Variants in EVPLL observed in about 807,000 individuals in gnomAD.
EVPLL encodes the protein envoplakin like.
A neutral mutation model predicts 46.2 loss-of-function variants in EVPLL; 39 were observed. That is an observed-to-expected ratio of 0.84 (90% CI 0.65 to 1.10). The LOEUF (loss-of-function observed/expected upper bound fraction) is 1.10, where lower values mean the gene tolerates loss of function less well. EVPLL is among the 50% of genes least tolerant of loss of function. The probability of loss-of-function intolerance (pLI) is 0.00; values close to 1 mark genes in which losing one functional copy is unlikely to be tolerated. For missense variants in EVPLL, 385 were observed against 412.6 expected, an observed-to-expected ratio of 0.93 and a Z score of 0.58; for synonymous variants, 156 against 165.8, an observed-to-expected ratio of 0.94 and a Z score of 0.46.
At chr17:18,382,080 C>T (rs972856728) in intron 4 of EVPLL, 10 of 395,384 alleles carry the variant, frequency 2.5e-5, no homozygotes, top group Admixed American at 1.9e-4. Flanking sequence ...GCATTCTGAT[C>T]CCTGGTTGAG....
chr17:18,383,454 C>A, intron 8 of EVPLL, 38 bp from the exon 9 acceptor site: 1 of 1,474,354 alleles, frequency 6.8e-7, no homozygotes, highest in Non-Finnish European at 9.1e-7. Flanking sequence ...GGTGCGGGGG[C>A]GGGGCGTGGT....
chr17:18,385,321 C>T lies in EVPLL; in HGVS notation c.876+1734C>T, dbSNP rs189111648. ...ATGGCTCCACTGAACGCTGCCCCCTCGGTTCGGGAGGACCAGTGGTGCCCC... is the reference window on the plus strand; with the variant it reads ...ATGGCTCCACTGAACGCTGCCCCCTTGGTTCGGGAGGACCAGTGGTGCCCC... On this transcript the variant is annotated intron_variant, in intron 9 of 10. Coordinates refer to ENST00000399134, the MANE Select transcript of EVPLL (RefSeq NM_001145127.2). Among the ~76,000 whole-genome samples, 5 of 90,806 alleles carry T rather than the reference C, an allele frequency of 5.5e-5. 2 individuals are homozygous for T. The East Asian group carries it at 6.3e-4, about 11-fold the overall frequency. 59.6% of individuals were successfully genotyped at this position (90,806 alleles called of 152,430 possible).
rs758846170 is a variant in EVPLL, at chr17:18,382,509, G to A, written c.347-4G>A. ...TGGTGACTGAGCCGCCGGCTCTCCT[G>A]CAGAAGCTGGTCTGCGCAGGCCAGT... On this transcript the variant is annotated splice_polypyrimidine_tract_variant and splice_region_variant and intron_variant, in intron 4 of 10. Transcript: ENST00000399134. The A allele has an allele frequency of 7.7e-6, 12 of 1,551,452 alleles. No homozygotes were observed. The highest frequency in any genetic ancestry group is 1.0e-5 in the Non-Finnish European group (12 of 1,146,934).
At chr17:18,384,435 TA>T (rs58278336) in intron 9 of EVPLL, among the ~76,000 whole-genome samples, 3,821 of 133,320 alleles carry the variant, frequency 0.029, 118 homozygotes, top group African/African-American at 0.082. Flanking sequence ...GACTCTGTCT[TA>T]AAAAAAAAAA....
intron 9 of EVPLL, among the ~76,000 whole-genome samples, chr17:18,384,424 T>C (rs8064901): frequency 0.046 from 6,748 of 146,488 alleles, 451 homozygotes; most frequent in African/African-American, 0.15. Context: ...TGACAGACTG[T>C]GACTCTGTCT....
At chr17:18,382,408 G>A in intron 4 of EVPLL, 105 bp from the exon 5 acceptor site, 2 of 1,483,818 alleles carry the variant, frequency 1.3e-6, no homozygotes, top group Non-Finnish European at 1.8e-6. Context: ...GCTCGTCCAC[G>A]CTCTGCCCAA....
At chr17:18,384,116 A>G (rs886950978) in intron 9 of EVPLL, among the ~76,000 whole-genome samples, 18 of 152,164 alleles carry the variant, frequency 1.2e-4, no homozygotes, top group Non-Finnish European at 1.2e-4. Flanking sequence ...GTTTTTATGC[A>G]TGAAGTACAG....
chr17:18,384,984 G>A (rs62074173), intron 9 of EVPLL, among the ~76,000 whole-genome samples: 2 of 99,036 alleles, frequency 2.0e-5, no homozygotes, highest in Non-Finnish European at 4.4e-5. Context: ...AGCAGAGAGA[G>A]AGAAACAGAG....
At position 18,381,245 on chromosome 17, in the gene EVPLL, G is replaced by A. The variant is rs891135356; in HGVS notation, c.64-122G>A. ...CCCTGGGCCTGACCCTGTGCCTGGCGTGGGCCTCGAGGTTGGCCAGCATAG... is the reference window on the plus strand; with the variant it reads ...CCCTGGGCCTGACCCTGTGCCTGGCATGGGCCTCGAGGTTGGCCAGCATAG... On this transcript the variant is annotated intron_variant, in intron 2 of 10. Transcript: ENST00000399134. This position sits in a 1 kb window ranked among gnomAD's most constrained non-coding sequence, Gnocchi z 4.2. 27 of 1,425,308 alleles carry A rather than the reference G, an allele frequency of 1.9e-5. 1 individual carries two copies. Among genetic ancestry groups the A allele is most frequent in the African/African-American group, 1.1e-4 (8 of 69,734 alleles). 88.3% of individuals were successfully genotyped at this position (1,425,308 alleles called of 1,614,324 possible).
At chr17:18,382,043 G>C in intron 4 of EVPLL, 1 of 451,212 alleles carries the variant, frequency 2.2e-6, no homozygotes. Context: ...GGGATTTCTG[G>C]CCAGGTGGGC....
At chr17:18,382,663 A>T in intron 5 of EVPLL, 25 bp downstream of exon 5, 1 of 1,551,938 alleles carries the variant, frequency 6.4e-7, no homozygotes. Context: ...AAGATGTTAC[A>T]TCCGGGGCCA....
In EVPLL at chr17:18,383,012, G is replaced by T. The variant is rs534887032; in HGVS notation, c.512-13G>T. 1.3e-6 allele frequency: 2 copies of T among 1,560,160 alleles called. No individual in the cohort carries two copies. Among genetic ancestry groups the T allele is most frequent in the Admixed American group, 3.7e-5 (2 of 53,620 alleles). On this transcript the variant is annotated splice_polypyrimidine_tract_variant and intron_variant, in intron 6 of 10. Transcript: ENST00000399134. Reference sequence around the variant, plus strand: ...CTCCCCACCCTGCTGCTGGCGGCGGGTCCTGAGCACAGAGGGCGGCGTCGT... The same window carrying T: ...CTCCCCACCCTGCTGCTGGCGGCGGTTCCTGAGCACAGAGGGCGGCGTCGT...
intron 9 of EVPLL, among the ~76,000 whole-genome samples, chr17:18,387,338 A>G (rs954110964): frequency 1.3e-5 from 2 of 151,788 alleles, no homozygotes; most frequent in Non-Finnish European, 2.9e-5. Context: ...TCCTGATTCC[A>G]GCCATTTGTC....
In EVPLL at chr17:18,377,980, G is replaced by A; in HGVS notation, c.-40G>A. 1 of 903,138 alleles carries A rather than the reference G, an allele frequency of 1.1e-6. No homozygotes were observed. The highest frequency in any genetic ancestry group is 1.6e-6 in the Non-Finnish European group (1 of 629,360). 55.9% of individuals were successfully genotyped at this position (903,138 alleles called of 1,614,324 possible). ...CCCAAAGGCTCCCCCAGCAAGCACA[G>A]CTGGTGAGTGGGACTAGGGGATGGG... On this transcript the variant is annotated 5_prime_UTR_variant, in exon 1 of 11. Transcript: ENST00000399134.
Position 18,381,197 on chromosome 17 carries a change from CTT to C in EVPLL, c.64-168_64-167del. ...CCTTCTTTGCTGGGCTCCCCTGTGT[CTT>C]TGTCACCTGCCTCATGGACGCCCTG... On this transcript the variant is annotated intron_variant, in intron 2 of 10. Coordinates refer to ENST00000399134, the MANE Select transcript of EVPLL (RefSeq NM_001145127.2). This position sits in a 1 kb window ranked among gnomAD's most constrained non-coding sequence, Gnocchi z 4.2. 7.9e-7 allele frequency: 1 copy of C among 1,267,368 alleles called. No homozygotes were observed. Among genetic ancestry groups the C allele is most frequent in the Non-Finnish European group, 1.1e-6 (1 of 932,610 alleles). The allele number at this position is 1,267,368 out of a possible 1,614,324, so 78.5% of individuals were successfully genotyped here.
rs775598957 is a variant in EVPLL at position 18,383,501 on chromosome 17, G to A, written c.790G>A (p.Glu264Lys). 1 of 1,580,114 alleles carries A rather than the reference G, an allele frequency of 6.3e-7. No individual in the cohort carries two copies. The highest frequency in any genetic ancestry group is 1.7e-4 in the Middle Eastern group (1 of 5,762). The change falls in exon 9 of 11, where the codon GAG becomes AAG. Residue 264 changes from glutamate to lysine, a missense_variant. By Grantham distance (56) the Glu-to-Lys change is moderately conservative. Transcript: ENST00000399134. ...GTGCTGCGGTACCCAGGCCCACCAG[G>A]AGGCCCTGAAGATGGAGTGGCAGAA... ...PAVGPIQAHQ[E>K]ALKMEWQNFL...
At chr17:18,380,592 G>A (rs578005370) in intron 1 of EVPLL, 36 of 247,998 alleles carry the variant, frequency 1.5e-4, no homozygotes, top group African/African-American at 7.0e-4. Context: ...GAAGTGGCAG[G>A]CAGCTGGGTG....
Position 18,380,928 on chromosome 17 carries a change from C to T in EVPLL, c.-10C>T. 3 of 1,585,714 alleles carry T rather than the reference C, an allele frequency of 1.9e-6. No homozygotes were observed. Among genetic ancestry groups the T allele is most frequent in the Non-Finnish European group, 2.6e-6 (3 of 1,166,944 alleles). ...ATGCCACCCAGGAGCTGACCCTGCT[C>T]ATCTCCCACATGCAAGCCAGCGCCG... On this transcript the variant is annotated 5_prime_UTR_variant, in exon 2 of 11. Coordinates refer to ENST00000399134, the MANE Select transcript of EVPLL (RefSeq NM_001145127.2).
chr17:18,384,940 CAGAGGAGGCTGAGAGGG>C (rs2151631020), intron 9 of EVPLL, among the ~76,000 whole-genome samples: 1 of 149,760 alleles, frequency 6.7e-6, no homozygotes, highest in South Asian at 2.1e-4. Context: ...GGGGGAGAGA[CAGAGGAGGCTGAGAGGG>C]AGAGGAGGAT....
Sources: allele counts gnomAD v4.1 joint callset (sites outside exome capture counted in the v4.1 genomes callset), GRCh38; gene constraint gnomAD v4.1.1; non-coding constraint Gnocchi (gnomAD v3.1); transcripts MANE v1.5; gene names NCBI Gene and HGNC (gene_info 2026-07-23, HGNC 2026-07-21).